The following GRB2 variants were observed in gnomAD, a reference collection of about 807,000 sequenced individuals.
GRB2 encodes the protein growth factor receptor-bound protein 2.
In GRB2, 2 loss-of-function variants were observed where a neutral mutation model predicts 27.4. The observed-to-expected ratio is 0.07, with a 90% CI of 0.03 to 0.23. The LOEUF is 0.23. Among genes scored for constraint, GRB2 ranks in the 10% least tolerant of loss-of-function variants. The pLI, the probability that GRB2 is intolerant of heterozygous loss-of-function variation, is 1.00. For synonymous variants in GRB2, 94 were observed against 99.6 expected (o/e 0.94, Z 0.33); for missense variants, 102 against 282.4 (o/e 0.36, Z 4.58).
chr17:75,382,386 T>C (rs1224022602), intron 2 of GRB2, among the ~76,000 whole-genome samples: 1 of 152,240 alleles, frequency 6.6e-6, no homozygotes, highest in Non-Finnish European at 1.5e-5. Context: ...ATACAGGTTG[T>C]ATATCCCTTA....
intron 2 of GRB2, among the ~76,000 whole-genome samples, chr17:75,389,310 C>T (rs907502142): frequency 6.7e-6 from 1 of 148,638 alleles, no homozygotes; most frequent in Non-Finnish European, 1.5e-5. Flanking sequence ...TGTTCTCCTA[C>T]AAGGTTCAAG....
At chr17:75,394,517 G>A (rs1292959667) in intron 1 of GRB2, among the ~76,000 whole-genome samples, 2 of 152,156 alleles carry the variant, frequency 1.3e-5, no homozygotes, top group African/African-American at 4.8e-5. Context: ...CCTTTCCCCG[G>A]CAGATCCCCA....
intron 4 of GRB2, among the ~76,000 whole-genome samples, chr17:75,324,507 G>GTCTTTT (rs1555608338): frequency 1.9e-4 from 7 of 36,704 alleles, no homozygotes; most frequent in African/African-American, 4.9e-4. Flanking sequence ...ACCGCACCCA[G>GTCTTTT]TTTTTTTTTT....
intron 3 of GRB2, among the ~76,000 whole-genome samples, chr17:75,326,507 T>G (rs899691582): frequency 2.6e-5 from 4 of 152,202 alleles, no homozygotes; most frequent in Non-Finnish European, 5.9e-5. Context: ...GCAGGGTTAC[T>G]TTTGCTAACA....
intron 2 of GRB2, among the ~76,000 whole-genome samples, chr17:75,388,947 C>CAAT (rs1197483636): frequency 6.6e-6 from 1 of 152,146 alleles, no homozygotes; most frequent in African/African-American, 2.4e-5. Context: ...TCCCATGATT[C>CAAT]TTGCTTTCAG....
In GRB2 at chr17:75,319,410, G is replaced by A. The variant is rs1421959050; in HGVS notation, c.*958C>T. ...ACATGCTCGATAATCCCACTGGAAG[G>A]GCCAACAAAGTGGAAAGAGACAGGC... On this transcript the variant is annotated 3_prime_UTR_variant, in exon 6 of 6. Transcript: ENST00000316804. 3 of 149,652 alleles carry A rather than the reference G, an allele frequency of 2.0e-5. No individual in the cohort carries two copies. Among genetic ancestry groups the A allele is most frequent in the African/African-American group, 7.3e-5 (3 of 40,878 alleles). The allele number at this position is 149,652 out of a possible 1,614,324, so 9.3% of individuals were successfully genotyped here.
At chr17:75,370,670 G>A (rs780572773) in intron 2 of GRB2, among the ~76,000 whole-genome samples, 54 of 152,188 alleles carry the variant, frequency 3.5e-4, no homozygotes, top group Non-Finnish European at 5.0e-4. Context: ...CATCTGATGC[G>A]AAGGGACTCT....
In GRB2 at chr17:75,393,669, A is replaced by G. The variant is rs372358954; in HGVS notation, c.-41T>C. On this transcript the variant is annotated 5_prime_UTR_variant, in exon 2 of 6. Coordinates refer to ENST00000316804, the MANE Select transcript of GRB2 (RefSeq NM_002086.5). Reference sequence around the variant, plus strand: ...GTGCTCAGCAGCCTGAAGCAGGGGGAAGGGAGTCTTCCCTGCTGAAGCAAC... The same window carrying G: ...GTGCTCAGCAGCCTGAAGCAGGGGGGAGGGAGTCTTCCCTGCTGAAGCAAC... The G allele has an allele frequency of 8.1e-4, 1,234 of 1,532,318 alleles. 11 individuals are homozygous for G. Among genetic ancestry groups the G allele is most frequent in the Middle Eastern group, 7.5e-3 (41 of 5,436 alleles). The allele number at this position is 1,532,318 out of a possible 1,614,324, so 94.9% of individuals were successfully genotyped here.
At chr17:75,354,329 T>C (rs2078716354) in intron 2 of GRB2, among the ~76,000 whole-genome samples, 1 of 150,838 alleles carries the variant, frequency 6.6e-6, no homozygotes, top group Admixed American at 6.6e-5. Flanking sequence ...GTGCGATCTC[T>C]GCTCACTGCA....
chr17:75,398,834 A>G (rs2079045572), intron 1 of GRB2, among the ~76,000 whole-genome samples: 2 of 151,286 alleles, frequency 1.3e-5, no homozygotes, highest in Non-Finnish European at 3.0e-5. Flanking sequence ...TGCAACCTCC[A>G]CCTCCTGGGT....
chr17:75,380,361 AC>A (rs898897146), intron 2 of GRB2, among the ~76,000 whole-genome samples: 1 of 151,670 alleles, frequency 6.6e-6, no homozygotes, highest in Non-Finnish European at 1.5e-5. Context: ...AAAAAAAAAA[AC>A]TATTATAGAA....
At chr17:75,346,012 G>A (rs1466952981) in intron 2 of GRB2, among the ~76,000 whole-genome samples, 1 of 152,106 alleles carries the variant, frequency 6.6e-6, no homozygotes, top group Non-Finnish European at 1.5e-5. Context: ...TTTTTCAAAA[G>A]CTCCTCTGGC....
intron 2 of GRB2, among the ~76,000 whole-genome samples, chr17:75,360,525 A>G (rs2078772969): frequency 6.6e-6 from 1 of 152,224 alleles, no homozygotes; most frequent in East Asian, 1.9e-4. Flanking sequence ...GTAATCCCCT[A>G]CTGATTCAAC....
intron 3 of GRB2, among the ~76,000 whole-genome samples, chr17:75,328,709 C>T (rs1282457242): frequency 2.0e-4 from 31 of 151,784 alleles, no homozygotes; most frequent in African/African-American, 6.5e-4. Flanking sequence ...GAGGCCGAGG[C>T]GGGCGGGTCA....
chr17:75,321,974 G>T, intron 4 of GRB2, 147 bp from the exon 5 acceptor site: 1 of 703,798 alleles, frequency 1.4e-6, no homozygotes, highest in Non-Finnish European at 2.4e-6. Context: ...CTCACTGGGT[G>T]TCCCTGGGAC....
At chr17:75,372,589 A>G (rs775521434) in intron 2 of GRB2, 1 of 152,260 alleles carries the variant, frequency 6.6e-6, no homozygotes, top group African/African-American at 2.4e-5. Context: ...CACTGGTGAC[A>G]TTCTACAGCA....
At chr17:75,396,881 G>A (rs1211096006) in intron 1 of GRB2, among the ~76,000 whole-genome samples, 1 of 152,130 alleles carries the variant, frequency 6.6e-6, no homozygotes, top group Non-Finnish European at 1.5e-5. Context: ...GAAATGAAAA[G>A]CCCTGTCACT....
intron 2 of GRB2, among the ~76,000 whole-genome samples, chr17:75,375,592 T>C (rs921006722): frequency 6.6e-6 from 1 of 152,028 alleles, no homozygotes; most frequent in South Asian, 2.1e-4. Flanking sequence ...ACAATGAAAA[T>C]AGAAATCAGC....
At chr17:75,401,541 A>G (rs2079064179) in intron 1 of GRB2, among the ~76,000 whole-genome samples, 3 of 151,952 alleles carry the variant, frequency 2.0e-5, no homozygotes, top group Admixed American at 1.3e-4. Context: ...ATACACCTCA[A>G]TTGTATTTTC....
Sources: allele counts gnomAD v4.1 joint callset (sites outside exome capture counted in the v4.1 genomes callset), GRCh38; gene constraint gnomAD v4.1.1; transcripts MANE v1.5; gene names NCBI Gene and HGNC (gene_info 2026-07-23, HGNC 2026-07-21).